LMO1: variants seen among roughly 807,000 people sequenced by gnomAD.
The protein encoded by LMO1 is rhombotin-1.
A neutral mutation model predicts 18.0 loss-of-function variants in LMO1; 10 were observed. That is an observed-to-expected ratio of 0.55 (90% confidence interval 0.34 to 0.94). The LOEUF is 0.94. Among genes scored for constraint, LMO1 ranks in the 40% least tolerant of loss-of-function variants. The pLI, the probability that LMO1 is intolerant of heterozygous loss-of-function variation, is 0.02. For synonymous variants in LMO1, 77 were observed against 77.9 expected (o/e 0.99, Z 0.06); for missense variants, 183 against 205.7 (o/e 0.89, Z 0.68).
intron 1 of LMO1, among the ~76,000 whole-genome samples, chr11:8,251,566 G>C (rs1003953571): frequency 6.6e-6 from 1 of 152,196 alleles, no homozygotes; most frequent in Non-Finnish European, 1.5e-5. Context: ...TGGGGTGAGA[G>C]ACCCCACTGG....
chr11:8,261,726 T>C (rs1452014719), intron 1 of LMO1, among the ~76,000 whole-genome samples: 1 of 152,120 alleles, frequency 6.6e-6, no homozygotes, highest in Admixed American at 6.5e-5. Context: ...GAGTTCGTGA[T>C]GAAAGGCACC....
At chr11:8,249,947 A>T (rs538130911) in intron 1 of LMO1, among the ~76,000 whole-genome samples, 13 of 152,366 alleles carry the variant, frequency 8.5e-5, no homozygotes, top group Admixed American at 8.5e-4. Context: ...AGGATTTTTC[A>T]TCAAGAAAGT....
intron 1 of LMO1, among the ~76,000 whole-genome samples, chr11:8,244,927 A>G (rs550227696): frequency 3.7e-4 from 56 of 152,310 alleles, no homozygotes; most frequent in African/African-American, 1.3e-3. Flanking sequence ...CCAGCCCAGA[A>G]GCCAGCCACT....
rs763869679 is a variant in LMO1 at position 8,263,391 on chromosome 11, A to G, written c.-29T>C. The G allele has an allele frequency of 1.6e-4, 261 of 1,599,396 alleles. No individual in the cohort carries two copies. Among genetic ancestry groups the G allele is most frequent in the Non-Finnish European group, 2.1e-4 (247 of 1,176,728 alleles). ...GGGCGCTCCGTGTCCAGCCGCAGCT[A>G]GGCTCGGCCGGGAGAAGGGCGCCGA... On this transcript the variant is annotated 5_prime_UTR_variant, in exon 1 of 4. Transcript: ENST00000335790.
At chr11:8,264,027 C>G (rs1847234806), upstream of LMO1, 2 of 199,414 alleles carry the variant, frequency 1.0e-5, no homozygotes, top group African/African-American at 4.7e-5. Context: ...CGTCTTTGCT[C>G]CGATCCCAGG....
chr11:8,250,176 A>G (rs2311011), intron 1 of LMO1, among the ~76,000 whole-genome samples: 93,633 of 152,042 alleles, frequency 0.62, 30,858 homozygotes, highest in East Asian at 0.91. Flanking sequence ...TGCCACTGTC[A>G]GGATTTCTTT....
At chr11:8,244,026 G>C (rs923390821) in intron 1 of LMO1, among the ~76,000 whole-genome samples, 10 of 152,224 alleles carry the variant, frequency 6.6e-5, no homozygotes, top group Non-Finnish European at 1.5e-4. Context: ...CCCCTGGCTA[G>C]CTCCCAACTT....
In LMO1 at chr11:8,263,192, C is replaced by G. The variant is rs546954152; in HGVS notation, c.25+146G>C. 15 of 682,912 alleles carry G rather than the reference C, an allele frequency of 2.2e-5. 1 individual carries two copies. In the South Asian group the frequency reaches 5.6e-4, roughly 26 times the overall value. 42.3% of individuals were successfully genotyped at this position (682,912 alleles called of 1,614,324 possible). ...CTGTCCCCCGGTACTTCCCCCCGCCCCAGCCCCGGCCCCCAGCGCGCCGCC... is the reference window on the plus strand; with the variant it reads ...CTGTCCCCCGGTACTTCCCCCCGCCGCAGCCCCGGCCCCCAGCGCGCCGCC... On this transcript the variant is annotated intron_variant, in intron 1 of 3. Transcript: ENST00000335790.
Position 8,230,294 on chromosome 11 carries a change from A to G in LMO1, c.236T>C (p.Leu79Pro), listed in dbSNP as rs1590523692. The G allele has an allele frequency of 6.2e-7, 1 of 1,613,394 alleles. No individual in the cohort carries two copies. Among genetic ancestry groups the G allele is most frequent in the Non-Finnish European group, 8.5e-7 (1 of 1,179,814 alleles). The change falls in exon 2 of 4, where the codon CTG becomes CCG. Residue 79 changes from leucine (L) to proline (P), a missense_variant. Leu to Pro is a moderately conservative substitution (Grantham distance 98, BLOSUM62 -3). Coordinates refer to ENST00000335790, the MANE Select transcript of LMO1 (RefSeq NM_002315.3). ...ANLILCRRDYLRLFGTTGNCA... is the reference protein window; with the variant it reads ...ANLILCRRDYPRLFGTTGNCA... Reference sequence around the variant, plus strand: ...AGGCCAGGGTTTGGCAGCCCACCTCAGGTAGTCGCGTCGGCACAGGATGAG... The same window carrying G: ...AGGCCAGGGTTTGGCAGCCCACCTCGGGTAGTCGCGTCGGCACAGGATGAG...
chr11:8,232,694 A>T (rs1952688912), intron 1 of LMO1, among the ~76,000 whole-genome samples: 1 of 152,052 alleles, frequency 6.6e-6, no homozygotes, highest in Non-Finnish European at 1.5e-5. Flanking sequence ...CTCCCTTCCC[A>T]GTGGTCCTGA....
intron 1 of LMO1, among the ~76,000 whole-genome samples, chr11:8,251,841 GT>G (rs1847000492): frequency 4.2e-5 from 6 of 143,326 alleles, no homozygotes; most frequent in East Asian, 2.1e-4. Context: ...TGCCTGTGTG[GT>G]GGGTGTGCGT....
chr11:8,239,140 G>A (rs1952810923), intron 1 of LMO1, among the ~76,000 whole-genome samples: 2 of 152,224 alleles, frequency 1.3e-5, no homozygotes, highest in African/African-American at 4.8e-5. Context: ...ATCCTGGCCT[G>A]TCAGAATCCA....
chr11:8,226,756 G>T, intron 3 of LMO1: 1 of 749,618 alleles, frequency 1.3e-6, no homozygotes, highest in Non-Finnish European at 2.0e-6. Context: ...GTGCCACACA[G>T]ATGTGCACAC....
chr11:8,237,486 T>C (rs1362965289), intron 1 of LMO1, among the ~76,000 whole-genome samples: 5 of 152,220 alleles, frequency 3.3e-5, no homozygotes, highest in African/African-American at 1.2e-4. Context: ...GGCCTTGCCA[T>C]GCAGCAGGCG....
Position 8,263,345 on chromosome 11 carries a change from C to T in LMO1, c.18G>A (p.Lys6=), listed in dbSNP as rs1388773880. The change falls in exon 1 of 4, where the codon AAG becomes AAA. Residue 6 remains lysine (K), a synonymous_variant. Transcript: ENST00000335790. ...CCCCGGCCCGCCACCTACCGTCCTCCTTGTCCAGCACCATCATCTCGGGCG... is the reference window on the plus strand; with the variant it reads ...CCCCGGCCCGCCACCTACCGTCCTCTTTGTCCAGCACCATCATCTCGGGCG... MMVLD[K]EDGVPMLSVQ... is the part of the protein sequence containing the mutation. 1.9e-6 allele frequency: 3 copies of T among 1,603,600 alleles called. No individual in the cohort carries two copies. The highest frequency in any genetic ancestry group is 3.3e-5 in the Admixed American group (2 of 59,768).
chr11:8,234,737 C>A (rs1235872644), intron 1 of LMO1, among the ~76,000 whole-genome samples: 1 of 152,212 alleles, frequency 6.6e-6, no homozygotes, highest in Non-Finnish European at 1.5e-5. Flanking sequence ...GCACTGCTGG[C>A]TCTGCCCCCT....
chr11:8,254,320 C>T (rs933114404), intron 1 of LMO1, among the ~76,000 whole-genome samples: 2 of 152,130 alleles, frequency 1.3e-5, no homozygotes, highest in African/African-American at 4.8e-5. Flanking sequence ...CAGCCTGAAG[C>T]CTGGGTTTTA....
intron 1 of LMO1, among the ~76,000 whole-genome samples, chr11:8,249,426 T>A (rs886631450): frequency 6.6e-6 from 1 of 152,142 alleles, no homozygotes; most frequent in Non-Finnish European, 1.5e-5. Context: ...GTAAACCAAA[T>A]GGTCTTAATA....
At chr11:8,224,791 A>ACTGTAC in intron 3 of LMO1, 70 bp from the exon 4 acceptor site, 1 of 971,286 alleles carries the variant, frequency 1.0e-6, no homozygotes, top group Non-Finnish European at 1.6e-6. Context: ...CTGCAGACAG[A>ACTGTAC]AGCCGGCCTG....
Sources: gnomAD v4.1 joint callset for allele counts (sites outside exome capture counted in the v4.1 genomes callset) on GRCh38, gnomAD v4.1.1 for gene constraint, MANE v1.5 for transcripts, NCBI Gene and HGNC (gene_info 2026-07-23, HGNC 2026-07-21) for gene names.